CCDC39: variants seen among roughly 807,000 people sequenced by gnomAD.
CCDC39 encodes coiled-coil domain-containing protein 39.
CCDC39 carries 113 observed loss-of-function variants against 121.0 expected under a neutral mutation model. The ratio of observed to expected loss-of-function variants is 0.93; its 90% CI spans 0.80 to 1.09. The LOEUF is 1.09. CCDC39 is among the 50% of genes least tolerant of loss of function. The probability of loss-of-function intolerance (pLI) is 0.00; values close to 1 mark genes in which losing one functional copy is unlikely to be tolerated. For missense variants in CCDC39, 1,063 were observed against 1,074.7 expected (o/e 0.99, Z 0.15); for synonymous variants, 349 against 352.2 (o/e 0.99, Z 0.10).
Position 180,667,606 on chromosome 3 carries a change from ATGT to A in CCDC39, c.91-3623_91-3621del, listed in dbSNP as rs1332711009. On this transcript the variant is annotated intron_variant, in intron 1 of 19. Coordinates refer to ENST00000476379, the MANE Select transcript of CCDC39 (RefSeq NM_181426.2). The stretch of plus-strand genomic sequence containing the variant: ...CTAAGACAATGAACTTAATCAAAAA[ATGT>A]TGTATCTGTTCTGACTGCACCACTG... 3.9e-5 allele frequency among the ~76,000 whole-genome samples: 6 copies of A among 152,276 alleles called. No individual in the cohort carries two copies. The East Asian group carries it at 1.2e-3, about 29-fold the overall frequency.
intron 14 of CCDC39, among the ~76,000 whole-genome samples, chr3:180,627,048 G>A (rs1241330687): frequency 6.6e-6 from 1 of 152,140 alleles, no homozygotes; most frequent in Non-Finnish European, 1.5e-5. Flanking sequence ...GGCCAGAGAG[G>A]TTGTGGTTCC....
Position 180,664,001 on chromosome 3 carries a change from T to G in CCDC39, c.91-15A>C. 6.2e-7 allele frequency: 1 copy of G among 1,605,042 alleles called. No individual in the cohort carries two copies. The stretch of plus-strand genomic sequence containing the variant: ...AGCTTTGACAACTGTAAATAATAAA[T>G]ACTATGATTAACCAAAGTCCTATTA... On this transcript the variant is annotated splice_polypyrimidine_tract_variant and intron_variant, in intron 1 of 19. Coordinates refer to ENST00000476379, the MANE Select transcript of CCDC39 (RefSeq NM_181426.2).
rs779435800 is a variant in CCDC39 at position 180,654,910 on chromosome 3, A to T, written c.782T>A (p.Leu261Ter). ...IKQETREKEN[L>*]VKEKIKFLES... Reference sequence around the variant, plus strand: ...CAAAAACTTGATCTTTTCTTTAACCAAATTTTCTTTTTCTCTCGTTTCCTG... The same window carrying T: ...CAAAAACTTGATCTTTTCTTTAACCTAATTTTCTTTTTCTCTCGTTTCCTG... The change falls in exon 7 of 20, where the codon TTG (leucine) becomes TAG (stop). Residue 261 changes from leucine to a stop codon, truncating the protein, a stop_gained. Coordinates refer to ENST00000476379, the MANE Select transcript of CCDC39 (RefSeq NM_181426.2). LOFTEE classifies it high-confidence loss of function. The T allele has an allele frequency of 6.3e-7, 1 of 1,586,528 alleles. No homozygotes were observed. The highest frequency in any genetic ancestry group is 8.5e-7 in the Non-Finnish European group (1 of 1,170,120).
intron 6 of CCDC39, among the ~76,000 whole-genome samples, chr3:180,655,800 C>T (rs1223911062): frequency 6.6e-6 from 1 of 151,876 alleles, no homozygotes; most frequent in Non-Finnish European, 1.5e-5. Flanking sequence ...AACTTTTAAG[C>T]AATGTGAAGC....
At chr3:180,678,410 T>G (rs1480830782) in intron 1 of CCDC39, among the ~76,000 whole-genome samples, 1 of 152,254 alleles carries the variant, frequency 6.6e-6, no homozygotes, top group African/African-American at 2.4e-5. Flanking sequence ...TACAAAGTTG[T>G]GTAAGCATCA....
Position 180,660,732 on chromosome 3 carries a change from A to C in CCDC39, c.358-4T>G. ...GAGTGGCTTTAAATATGCCATTCTA[A>C]TTTCCAAAGAGAGAGAGAAAAGGGG... On this transcript the variant is annotated splice_polypyrimidine_tract_variant and splice_region_variant and intron_variant, in intron 3 of 19. Coordinates refer to ENST00000476379, the MANE Select transcript of CCDC39 (RefSeq NM_181426.2). 6.3e-7 allele frequency: 1 copy of C among 1,595,394 alleles called. No individual in the cohort carries two copies. The highest frequency in any genetic ancestry group is 1.3e-5 in the African/African-American group (1 of 74,778).
chr3:180,619,335 T>C lies in CCDC39; in HGVS notation c.2189A>G (p.Glu730Gly). The C allele has an allele frequency of 1.3e-6, 2 of 1,540,376 alleles. No individual in the cohort carries two copies. Among genetic ancestry groups the C allele is most frequent in the South Asian group, 2.4e-5 (2 of 83,044 alleles). Reference sequence around the variant, plus strand: ...TTCATCAACAGCTCTTTTTTGTTCTTCTAGTTGAATTTTTAGCTCATACTC... The same window carrying C: ...TTCATCAACAGCTCTTTTTTGTTCTCCTAGTTGAATTTTTAGCTCATACTC... ...SDEYELKIQL[E>G]EQKRAVDEKY... Residue 730 changes from glutamate to glycine, a missense_variant, in exon 16 of 20, where the codon GAA (glutamate) becomes GGA (glycine). Coordinates refer to ENST00000476379, the MANE Select transcript of CCDC39 (RefSeq NM_181426.2).
chr3:180,631,725 TTTTAA>T (rs1437037309), intron 13 of CCDC39, 133 bp from the exon 14 acceptor site: 4 of 727,824 alleles, frequency 5.5e-6, no homozygotes, highest in Admixed American at 3.1e-5. Flanking sequence ...TGTTCTCACG[TTTTAA>T]TTTAATAAAA....
intron 1 of CCDC39, among the ~76,000 whole-genome samples, chr3:180,672,634 C>T (rs759029844): frequency 7.9e-5 from 12 of 152,100 alleles, no homozygotes; most frequent in Non-Finnish European, 8.8e-5. Flanking sequence ...ACAATGCACC[C>T]GGTCACCCAA....
At chr3:180,629,707 A>G (rs1250738454) in intron 14 of CCDC39, among the ~76,000 whole-genome samples, 2 of 152,232 alleles carry the variant, frequency 1.3e-5, no homozygotes, top group Non-Finnish European at 2.9e-5. Context: ...AACAACAACA[A>G]CAAAAAATGG....
At chr3:180,641,690 T>C (rs1272855462) in intron 13 of CCDC39, among the ~76,000 whole-genome samples, 1 of 152,132 alleles carries the variant, frequency 6.6e-6, no homozygotes. Flanking sequence ...CTTCAATAGA[T>C]GCAGCTATTG....
Position 180,616,498 on chromosome 3 carries a change from T to G in CCDC39, c.2586+18A>C. On this transcript the variant is annotated intron_variant, in intron 18 of 19. Transcript: ENST00000476379. ...CATGAAGTTTTTAAGAAATATTTAA[T>G]AGAAGGTGCTGTATTACCTGTTGAA... is the stretch of plus-strand genomic sequence containing the variant. 1 of 1,515,244 alleles carries G rather than the reference T, an allele frequency of 6.6e-7. No individual in the cohort carries two copies. Among genetic ancestry groups the G allele is most frequent in the Non-Finnish European group, 8.8e-7 (1 of 1,131,700 alleles). The allele number at this position is 1,515,244 out of a possible 1,614,324, so 93.9% of individuals were successfully genotyped here.
chr3:180,657,184 A>G (rs142909703), intron 6 of CCDC39, among the ~76,000 whole-genome samples: 163 of 152,260 alleles, frequency 1.1e-3, no homozygotes, highest in African/African-American at 3.6e-3. Flanking sequence ...GGGTTTTTTC[A>G]AAATGTGTTG....
In CCDC39 at chr3:180,642,213, ACAAAATGGT is replaced by A; in HGVS notation, c.1666-21_1666-13del. ...TCTATCATCAAATCCTATCAACGTA[ACAAAATGGT>A]CAAATATTGAAATTATTTTTAATTG... On this transcript the variant is annotated splice_polypyrimidine_tract_variant and intron_variant, in intron 12 of 19. Coordinates refer to ENST00000476379, the MANE Select transcript of CCDC39 (RefSeq NM_181426.2). 6.6e-7 allele frequency: 1 copy of A among 1,515,116 alleles called. No individual in the cohort carries two copies. Among genetic ancestry groups the A allele is most frequent in the Non-Finnish European group, 8.9e-7 (1 of 1,123,246 alleles). The allele number at this position is 1,515,116 out of a possible 1,614,324, so 93.9% of individuals were successfully genotyped here.
chr3:180,669,837 A>G (rs140081094), intron 1 of CCDC39, among the ~76,000 whole-genome samples: 160 of 152,302 alleles, frequency 1.1e-3, no homozygotes, highest in African/African-American at 3.8e-3. Context: ...TTAAAAATGT[A>G]CACGTCACAA....
chr3:180,677,191 T>TAA (rs1171008439), intron 1 of CCDC39, among the ~76,000 whole-genome samples: 2 of 99,932 alleles, frequency 2.0e-5, no homozygotes, highest in African/African-American at 3.7e-5. Context: ...TATATATATA[T>TAA]ATATATATAT....
rs1457115518 is a variant in CCDC39 at position 180,631,570 on chromosome 3, T to G, written c.1897A>C (p.Ser633Arg). 6 of 1,608,214 alleles carry G rather than the reference T, an allele frequency of 3.7e-6. No homozygotes were observed. The Admixed American group carries it at 1.0e-4, about 27-fold the overall frequency. Residue 633 changes from serine to arginine, a missense_variant, in exon 14 of 20, where the codon AGT becomes CGT. By Grantham distance (110) the Ser-to-Arg change is moderately radical (BLOSUM62 -1). Coordinates refer to ENST00000476379, the MANE Select transcript of CCDC39 (RefSeq NM_181426.2). Reference sequence around the variant, plus strand: ...CTATTCTTCAGCTTCTCAATTTTACTTAGCCGCTCGCGAAACTCAGTGCTA... The same window carrying G: ...CTATTCTTCAGCTTCTCAATTTTACGTAGCCGCTCGCGAAACTCAGTGCTA... ...NISTEFRERL[S>R]KIEKLKNRYE...
At position 180,647,222 on chromosome 3, in the gene CCDC39, C is replaced by T; in HGVS notation, c.1384G>A (p.Glu462Lys). The T allele has an allele frequency of 6.2e-7, 1 of 1,601,772 alleles. No homozygotes were observed. Among genetic ancestry groups the T allele is most frequent in the South Asian group, 1.1e-5 (1 of 88,204 alleles). The change falls in exon 11 of 20, where the codon GAA becomes AAA. Residue 462 changes from glutamate (E) to lysine (K), a missense_variant. Physicochemically the swap from Glu to Lys is moderately conservative, Grantham distance 56. Transcript: ENST00000476379. ...YSQDFHIQQV[E>K]RRMSRLKGEI... The stretch of plus-strand genomic sequence containing the variant: ...CCCTTTAACCGTGACATTCTCCGTT[C>T]CACTTGTTGAATGTGAAAATCCTGT...
In CCDC39 at chr3:180,679,306, C is replaced by T. The variant is rs1560097970; in HGVS notation, c.75G>A (p.Lys25=). 3 of 1,613,864 alleles carry T rather than the reference C, an allele frequency of 1.9e-6. No homozygotes were observed. In the Admixed American group the frequency reaches 5.0e-5, roughly 27 times the overall value. ...TTGATCTCACCTGATCTTCCAGTAG[C>T]TTGTTCTCCTCGTTCGCCACCGGGA... The part of the protein sequence containing the change: ...FAIPVANEEN[K]LLEDQLSKLK... The change falls in exon 1 of 20, where the codon AAG becomes AAA. Residue 25 remains lysine, a synonymous_variant. Coordinates refer to ENST00000476379, the MANE Select transcript of CCDC39 (RefSeq NM_181426.2). This position sits in a 1 kb window ranked among gnomAD's most constrained non-coding sequence, Gnocchi z 4.0.
Sources: gnomAD v4.1 joint callset for allele counts (sites outside exome capture counted in the v4.1 genomes callset) on GRCh38, gnomAD v4.1.1 for gene constraint, Gnocchi (gnomAD v3.1) non-coding constraint, MANE v1.5 for transcripts, NCBI Gene and HGNC (gene_info 2026-07-23, HGNC 2026-07-21) for gene names.